MORN1: variants seen among roughly 807,000 people sequenced by gnomAD.
MORN1 encodes MORN repeat-containing protein 1.
A neutral mutation model predicts 61.9 loss-of-function variants in MORN1; 67 were observed. That is an observed-to-expected ratio of 1.08 (90% CI 0.89 to 1.33). MORN1 has a LOEUF of 1.33. MORN1 is among the 40% of genes most tolerant of loss of function. The pLI is 0.00. For synonymous variants in MORN1, 301 were observed against 292.0 expected, an observed-to-expected ratio of 1.03 and a Z score of -0.31; for missense variants, 752 against 691.2, an observed-to-expected ratio of 1.09 and a Z score of -0.99.
chr1:2,325,480 A>G (rs543615515), intron 12 of MORN1, among the ~76,000 whole-genome samples: 1 of 150,906 alleles, frequency 6.6e-6, no homozygotes, highest in Non-Finnish European at 1.5e-5. Context: ...CACCATGCCC[A>G]TGGGACCACA....
chr1:2,384,778 A>T (rs1642451393), intron 6 of MORN1, among the ~76,000 whole-genome samples, 200 bp downstream of exon 6: 1 of 152,220 alleles, frequency 6.6e-6, no homozygotes. Flanking sequence ...CACACATATG[A>T]ATACACTCCT....
At chr1:2,323,634 C>T (rs996426841) in intron 13 of MORN1, 22 of 985,130 alleles carry the variant, frequency 2.2e-5, no homozygotes, top group Non-Finnish European at 2.3e-5. Flanking sequence ...CCTCGCTGCA[C>T]CCCTCCTTGC....
chr1:2,381,694 G>T (rs1642374423), intron 6 of MORN1, among the ~76,000 whole-genome samples: 1 of 152,256 alleles, frequency 6.6e-6, no homozygotes, highest in South Asian at 2.1e-4. Flanking sequence ...AGAATTCAAG[G>T]TTTTACCACC....
At chr1:2,370,448 G>A (rs193301406) in intron 8 of MORN1, among the ~76,000 whole-genome samples, 10 of 152,126 alleles carry the variant, frequency 6.6e-5, no homozygotes, top group South Asian at 6.2e-4. Flanking sequence ...TCTTAAATAC[G>A]GTACCAAAAC....
chr1:2,335,292 G>A (rs1299996844), intron 12 of MORN1, among the ~76,000 whole-genome samples: 2 of 152,172 alleles, frequency 1.3e-5, no homozygotes, highest in Non-Finnish European at 2.9e-5. Flanking sequence ...TGTGTTCACT[G>A]CCTTGGCTAT....
rs1293118407 is a variant in MORN1, at chr1:2,334,242, G to A, written c.1250+2227C>T. 2.0e-5 allele frequency among the ~76,000 whole-genome samples: 3 copies of A among 152,112 alleles called. No individual in the cohort carries two copies. The highest frequency in any genetic ancestry group is 4.8e-5 in the African/African-American group (2 of 41,412). ...TTGAGGGCCTCTGGGTGGTGGGGGG[G>A]CAGCAGGTGTAAGAACGGTAAGGGA... On this transcript the variant is annotated intron_variant, in intron 12 of 13. Coordinates refer to ENST00000378531, the MANE Select transcript of MORN1 (RefSeq NM_024848.3). The surrounding 1 kb of genome is among the most constrained non-coding windows in gnomAD (Gnocchi z 5.4).
Position 2,327,181 on chromosome 1 carries a change from G to C in MORN1, c.1251-3038C>G, listed in dbSNP as rs1441202972. ...AAACACACAGACAGAAACAAACACA[G>C]AGACACAGAGACACAGAAACACACA... On this transcript the variant is annotated intron_variant, in intron 12 of 13. Transcript: ENST00000378531. Among the ~76,000 whole-genome samples, 579 of 117,744 alleles carry C rather than the reference G, an allele frequency of 4.9e-3. 38 individuals are homozygous for C. The highest frequency in any genetic ancestry group is 0.02 in the African/African-American group (542 of 26,716). The allele number at this position is 117,744 out of a possible 152,430, so 77.2% of individuals were successfully genotyped here. A position where few individuals can be genotyped will look rare whatever the true frequency, so the allele number is the denominator to read the frequency against.
At chr1:2,347,087 G>C (rs1002282229) in intron 10 of MORN1, among the ~76,000 whole-genome samples, 1 of 152,200 alleles carries the variant, frequency 6.6e-6, no homozygotes, top group African/African-American at 2.4e-5. Context: ...GAGCTCTTGG[G>C]AGATGGGGAA....
At position 2,378,063 on chromosome 1, in the gene MORN1, C is replaced by A. The variant is rs1642281635; in HGVS notation, c.538-3506G>T. The stretch of plus-strand genomic sequence containing the variant: ...TGGGGCTAGCTCTGGTTTCTGAAGA[C>A]CGGCCATTTGCATCACTTCATGGTA... On this transcript the variant is annotated intron_variant, in intron 6 of 13. Transcript: ENST00000378531. 3 of 152,378 alleles carry A rather than the reference C, an allele frequency of 2.0e-5. No homozygotes were observed. The South Asian group carries it at 6.2e-4, about 32-fold the overall frequency. 9.4% of individuals were successfully genotyped at this position (152,378 alleles called of 1,614,324 possible). A position where few individuals can be genotyped will look rare whatever the true frequency, so the allele number is the denominator to read the frequency against.
At chr1:2,351,873 C>T in intron 10 of MORN1, 1 of 506,064 alleles carries the variant, frequency 2.0e-6, no homozygotes, top group Non-Finnish European at 3.8e-6. Context: ...TGCCGTTCCC[C>T]CAGATCCAAT....
chr1:2,331,805 G>C (rs552495574), intron 12 of MORN1, among the ~76,000 whole-genome samples: 30 of 146,454 alleles, frequency 2.0e-4, no homozygotes, highest in African/African-American at 6.6e-4. Context: ...CCTCTCCCGC[G>C]GCTGCGCCTC....
Position 2,349,331 on chromosome 1 carries a change from G to A in MORN1, c.1036+8101C>T, listed in dbSNP as rs116755327. ...ACCCCAAGGGAGGGGTGCTCCACCC[G>A]CCTGCCGACCAAAGAGCCCCTCAGC... On this transcript the variant is annotated intron_variant, in intron 10 of 13. Transcript: ENST00000378531. Among the ~76,000 whole-genome samples, 552 of 152,268 alleles carry A rather than the reference G, an allele frequency of 3.6e-3. 5 individuals carry two copies. The highest frequency in any genetic ancestry group is 0.013 in the African/African-American group (527 of 41,534).
At chr1:2,328,017 G>C (rs1394028531) in intron 12 of MORN1, among the ~76,000 whole-genome samples, 3 of 152,266 alleles carry the variant, frequency 2.0e-5, no homozygotes, top group African/African-American at 7.2e-5. Flanking sequence ...ACCGAGCAGA[G>C]CTCCAGGGAG....
In MORN1 at chr1:2,379,559, G is replaced by T. The variant is rs550285357; in HGVS notation, c.538-5002C>A. On this transcript the variant is annotated intron_variant, in intron 6 of 13. Transcript: ENST00000378531. ...ACATGGTGAGGGGCAGGTGCTCACGGGTGGGGGCAGCTGGTGGCCAGGACT... is the reference window on the plus strand; with the variant it reads ...ACATGGTGAGGGGCAGGTGCTCACGTGTGGGGGCAGCTGGTGGCCAGGACT... 1.4e-4 allele frequency among the ~76,000 whole-genome samples: 21 copies of T among 152,302 alleles called. No individual in the cohort carries two copies. In the East Asian group the frequency reaches 1.5e-3, roughly 11 times the overall value.
chr1:2,347,771 C>T (rs943367836), intron 10 of MORN1, among the ~76,000 whole-genome samples: 2 of 152,178 alleles, frequency 1.3e-5, no homozygotes, highest in African/African-American at 4.8e-5. Flanking sequence ...CCCCGCTGCC[C>T]CCGTCACCCC....
chr1:2,389,605 C>T (rs1486955072), intron 2 of MORN1, among the ~76,000 whole-genome samples: 3 of 152,228 alleles, frequency 2.0e-5, no homozygotes, highest in African/African-American at 2.4e-5. Context: ...CTTGGATTTA[C>T]TACAAGAGTA....
At chr1:2,365,817 T>C (rs1427837217) in intron 8 of MORN1, among the ~76,000 whole-genome samples, 1 of 151,618 alleles carries the variant, frequency 6.6e-6, no homozygotes, top group Non-Finnish European at 1.5e-5. Context: ...CATTAAAAAG[T>C]CAGGAAACAA....
At position 2,358,666 on chromosome 1, in the gene MORN1, C is replaced by G. The variant is rs915219640; in HGVS notation, c.795G>C (p.Gln265His). The change falls in exon 9 of 14, where the codon CAG becomes CAC. Residue 265 changes from glutamine (Q) to histidine (H), a missense_variant. Physicochemically the swap from Gln to His is conservative, Grantham distance 24. Transcript: ENST00000378531. ...AGTTGACCTCAGAGTAGGCTGACAG[C>G]TGCACGTATCTGACGCCCGCTGAGA... ...LQISAGVRYV[Q>H]LSAYSEVNFF... 1 of 1,613,842 alleles carries G rather than the reference C, an allele frequency of 6.2e-7. No individual in the cohort carries two copies. The highest frequency in any genetic ancestry group is 1.3e-5 in the African/African-American group (1 of 74,902).
chr1:2,323,545 G>A (rs1640930522), intron 13 of MORN1: 1 of 985,210 alleles, frequency 1.0e-6, no homozygotes, highest in South Asian at 4.7e-5. Flanking sequence ...TGGCTTGGTG[G>A]GGGGGTGCCA....
Sources: gnomAD v4.1 joint callset for allele counts (sites outside exome capture counted in the v4.1 genomes callset) on GRCh38, gnomAD v4.1.1 for gene constraint, Gnocchi (gnomAD v3.1) non-coding constraint, MANE v1.5 for transcripts, NCBI Gene and HGNC (gene_info 2026-07-23, HGNC 2026-07-21) for gene names.